TNFAIP2: variants seen among roughly 807,000 people sequenced by gnomAD.
TNFAIP2 encodes TNF alpha induced protein 2, also known as tumor necrosis factor alpha-induced protein 2.
A neutral mutation model predicts 63.5 loss-of-function variants in TNFAIP2; 47 were observed. The ratio of observed to expected loss-of-function variants is 0.74; its 90% CI spans 0.59 to 0.94. The LOEUF (loss-of-function observed/expected upper bound fraction) is 0.94. TNFAIP2 is among the 40% of genes least tolerant of loss of function. The pLI is 0.00. For synonymous variants in TNFAIP2, 405 were observed against 390.2 expected, an observed-to-expected ratio of 1.04 and a Z score of -0.45; for missense variants, 787 against 850.2, an observed-to-expected ratio of 0.93 and a Z score of 0.92.
intron 2 of TNFAIP2, 77 bp downstream of exon 2, chr14:103,126,769 GCA>G: frequency 7.0e-7 from 1 of 1,435,008 alleles, no homozygotes; most frequent in Non-Finnish European, 9.4e-7. Flanking sequence ...TGAGCCACTT[GCA>G]CAGTGGGCCG....
Position 103,127,186 on chromosome 14 carries a change from G to A in TNFAIP2, c.417G>A (p.Val139=). Residue 139 remains valine (V), a synonymous_variant, in exon 3 of 12, where the codon GTG becomes GTA. Transcript: ENST00000560869. This position sits in a 1 kb window ranked among gnomAD's most constrained non-coding sequence, Gnocchi z 5.1. ...YELLRDQVLG[V]LRRPLEAPPE... is the part of the protein sequence containing the mutation. ...TGCTGCGCGACCAGGTGCTGGGCGTGCTGCGGCGGCCGCTGGAGGCGCCGC... is the reference window on the plus strand; with the variant it reads ...TGCTGCGCGACCAGGTGCTGGGCGTACTGCGGCGGCCGCTGGAGGCGCCGC... 8.9e-7 allele frequency: 1 copy of A among 1,128,210 alleles called. No homozygotes were observed. The highest frequency in any genetic ancestry group is 1.1e-6 in the Non-Finnish European group (1 of 917,302). The allele number at this position is 1,128,210 out of a possible 1,614,324, so 69.9% of individuals were successfully genotyped here.
intron 10 of TNFAIP2, 78 bp from the exon 11 acceptor site, chr14:103,133,604 G>A (rs2088036139): frequency 1.3e-6 from 2 of 1,564,134 alleles, no homozygotes; most frequent in Admixed American, 3.6e-5. Context: ...TAGGCCGCTG[G>A]TGCCTCTCTA....
At chr14:103,134,288 G>A (rs2088050562) in intron 11 of TNFAIP2, among the ~76,000 whole-genome samples, 1 of 152,200 alleles carries the variant, frequency 6.6e-6, no homozygotes, top group Non-Finnish European at 1.5e-5. Context: ...GTTTGAATGG[G>A]TCTTGACAGG....
At chr14:103,124,675 C>G (rs906598372) in intron 1 of TNFAIP2, among the ~76,000 whole-genome samples, 2 of 152,208 alleles carry the variant, frequency 1.3e-5, no homozygotes, top group Non-Finnish European at 2.9e-5. Context: ...CCAGCTCCCG[C>G]GGGTGCTAGG....
At chr14:103,134,974 C>T (rs1055946456) in intron 11 of TNFAIP2, among the ~76,000 whole-genome samples, 22 of 152,170 alleles carry the variant, frequency 1.4e-4, no homozygotes, top group African/African-American at 4.3e-4. Context: ...TGGGAAGAGG[C>T]GGTCATCTCA....
rs961925053 is a variant in TNFAIP2, at chr14:103,135,499, G to A, written c.*139G>A. The A allele has an allele frequency of 5.7e-5, 85 of 1,496,606 alleles. No homozygotes were observed. The highest frequency in any genetic ancestry group is 7.1e-5 in the Non-Finnish European group (80 of 1,132,564). 92.7% of individuals were successfully genotyped at this position (1,496,606 alleles called of 1,614,324 possible). ...GATGCTACTTCTGCCTAGCCCTGGCGGAGGTGCAGGCCCTGTCAGCTGGAA... is the reference window on the plus strand; with the variant it reads ...GATGCTACTTCTGCCTAGCCCTGGCAGAGGTGCAGGCCCTGTCAGCTGGAA... On this transcript the variant is annotated 3_prime_UTR_variant, in exon 12 of 12. Transcript: ENST00000560869. This position sits in a 1 kb window ranked among gnomAD's most constrained non-coding sequence, Gnocchi z 7.6.
chr14:103,130,402 G>C lies in TNFAIP2; in HGVS notation c.1186G>C (p.Ala396Pro). The change falls in exon 6 of 12, where the codon GCG becomes CCG. Residue 396 changes from alanine (A) to proline (P), a missense_variant. By Grantham distance (27) the Ala-to-Pro change is conservative (BLOSUM62 -1). Coordinates refer to ENST00000560869, the MANE Select transcript of TNFAIP2 (RefSeq NM_006291.4). ...IKRVLLVELP[A>P]FLRSYQRAFN... is the part of the protein sequence containing the mutation. ...GCGGGTGCTGCTGGTGGAGCTGCCT[G>C]CGTTCCTGAGGAGGTGGGTGTGTGC... 1 of 1,563,286 alleles carries C rather than the reference G, an allele frequency of 6.4e-7. No homozygotes were observed.
At position 103,131,132 on chromosome 14, in the gene TNFAIP2, A is replaced by C. The variant is rs760728477; in HGVS notation, c.1280A>C (p.Asn427Thr). 6.2e-7 allele frequency: 1 copy of C among 1,614,196 alleles called. No homozygotes were observed. The highest frequency in any genetic ancestry group is 8.5e-7 in the Non-Finnish European group (1 of 1,180,020). The change falls in exon 7 of 12, where the codon AAC becomes ACC. Residue 427 changes from asparagine to threonine, a missense_variant. Asn to Thr is a moderately conservative substitution (Grantham distance 65, BLOSUM62 0). Coordinates refer to ENST00000560869, the MANE Select transcript of TNFAIP2 (RefSeq NM_006291.4). The surrounding 1 kb of genome is among the most constrained non-coding windows in gnomAD (Gnocchi z 4.0). The stretch of plus-strand genomic sequence containing the variant: ...AGGGCCAATGTTATTGCCAACATCA[A>C]CAACTGCCTGTCCTTCCGGTGAGAG... ...NYRANVIANI[N>T]NCLSFRMSME...
upstream of TNFAIP2, chr14:103,122,995 G>A: frequency 5.7e-6 from 2 of 350,726 alleles, no homozygotes; most frequent in Non-Finnish European, 1.1e-5. Flanking sequence ...GGAAGCCCCC[G>A]TCCCCTGCCT....
Position 103,135,108 on chromosome 14 carries a change from C to T in TNFAIP2, c.1824-111C>T, listed in dbSNP as rs959764303. On this transcript the variant is annotated intron_variant, in intron 11 of 11. Transcript: ENST00000560869. The surrounding 1 kb of genome is among the most constrained non-coding windows in gnomAD (Gnocchi z 7.6). ...GAGGGAGAGTGAAGTGCAGCCCCCTCGTGGGCCGGGCGTTGGCTGTCGGGC... is the reference window on the plus strand; with the variant it reads ...GAGGGAGAGTGAAGTGCAGCCCCCTTGTGGGCCGGGCGTTGGCTGTCGGGC... 49 of 1,374,292 alleles carry T rather than the reference C, an allele frequency of 3.6e-5. No homozygotes were observed. The highest frequency in any genetic ancestry group is 1.6e-4 in the South Asian group (13 of 83,240). 85.1% of individuals were successfully genotyped at this position (1,374,292 alleles called of 1,614,324 possible). A position where few individuals can be genotyped will look rare whatever the true frequency, so the allele number is the denominator to read the frequency against.
At chr14:103,132,633 C>T in intron 8 of TNFAIP2, 117 bp from the exon 9 acceptor site, 5 of 1,470,530 alleles carry the variant, frequency 3.4e-6, no homozygotes, top group South Asian at 2.4e-5. Context: ...GAGTGCCCCC[C>T]GCCCCTCCAC....
chr14:103,126,300 C>G lies in TNFAIP2; in HGVS notation c.-148-10C>G, dbSNP rs942372009. 1 of 605,498 alleles carries G rather than the reference C, an allele frequency of 1.7e-6. No individual in the cohort carries two copies. Among genetic ancestry groups the G allele is most frequent in the African/African-American group, 1.9e-5 (1 of 53,712 alleles). 37.5% of individuals were successfully genotyped at this position (605,498 alleles called of 1,614,324 possible). On this transcript the variant is annotated splice_polypyrimidine_tract_variant and intron_variant, in intron 1 of 11. Coordinates refer to ENST00000560869, the MANE Select transcript of TNFAIP2 (RefSeq NM_006291.4). ...TGGTGACCACTGATGCCTTCACCCC[C>G]ACCCCGCAGGAGCCTGCAGGCCTGA...
Position 103,135,845 on chromosome 14 carries a change from A to C in TNFAIP2, c.*485A>C. 3.1e-6 allele frequency: 4 copies of C among 1,291,430 alleles called. No homozygotes were observed. Among genetic ancestry groups the C allele is most frequent in the Non-Finnish European group, 3.0e-6 (3 of 990,246 alleles). 80.0% of individuals were successfully genotyped at this position (1,291,430 alleles called of 1,614,324 possible). Reference sequence around the variant, plus strand: ...CGTGAGCGGGATTCAGCAATGGTGGAATGGAAGACAGAACTGGAAGAGAAA... The same window carrying C: ...CGTGAGCGGGATTCAGCAATGGTGGCATGGAAGACAGAACTGGAAGAGAAA... On this transcript the variant is annotated 3_prime_UTR_variant, in exon 12 of 12. Transcript: ENST00000560869. The surrounding 1 kb of genome is among the most constrained non-coding windows in gnomAD (Gnocchi z 7.6).
chr14:103,125,447 A>G (rs1231865509), intron 1 of TNFAIP2, among the ~76,000 whole-genome samples: 1 of 152,216 alleles, frequency 6.6e-6, no homozygotes, highest in East Asian at 1.9e-4. Flanking sequence ...GCTATTGACT[A>G]TAGGGACAGT....
intron 6 of TNFAIP2, 70 bp downstream of exon 6, chr14:103,130,485 C>G: frequency 7.0e-7 from 1 of 1,424,352 alleles, no homozygotes; most frequent in South Asian, 1.2e-5. Flanking sequence ...CCTAGTGCCT[C>G]AGGTGGGGAG....
At chr14:103,122,981 T>G (rs1197968305), upstream of TNFAIP2, 1 of 355,598 alleles carries the variant, frequency 2.8e-6, no homozygotes, top group East Asian at 7.5e-5. Flanking sequence ...GGGGGCCTCC[T>G]TCAGGAAGCC....
chr14:103,127,487 CCCGCCGAGTT>C lies in TNFAIP2; in HGVS notation c.720_729del (p.Glu242SerfsTer84). 1 of 1,590,136 alleles carries C rather than the reference CCCGCCGAGTT, an allele frequency of 6.3e-7. No individual in the cohort carries two copies. Among genetic ancestry groups the C allele is most frequent in the South Asian group, 1.1e-5 (1 of 89,572 alleles). On this transcript the variant is annotated frameshift_variant, in exon 3 of 12. Coordinates refer to ENST00000560869, the MANE Select transcript of TNFAIP2 (RefSeq NM_006291.4). LOFTEE classifies it high-confidence loss of function. The surrounding 1 kb of genome is among the most constrained non-coding windows in gnomAD (Gnocchi z 5.1). Reference sequence around the variant, plus strand: ...GGTGGAGCGGCTGAAGCCGCTGTTCCCCGCCGAGTTCGGCGTCGTGGCGGCCTACGCCGAG... The same window carrying C: ...GGTGGAGCGGCTGAAGCCGCTGTTCCCGGCGTCGTGGCGGCCTACGCCGAG...
Position 103,133,817 on chromosome 14 carries a change from G to C in TNFAIP2, c.1823+14G>C. 1 of 1,577,814 alleles carries C rather than the reference G, an allele frequency of 6.3e-7. No homozygotes were observed. Among genetic ancestry groups the C allele is most frequent in the Non-Finnish European group, 8.5e-7 (1 of 1,172,656 alleles). On this transcript the variant is annotated intron_variant, in intron 11 of 11. Transcript: ENST00000560869. ...CCCTGACTTCAGGTGAGAACCTGGG[G>C]CACCTCAGGACCACTGTCACATCAC...
chr14:103,136,341 G>A lies in TNFAIP2; in HGVS notation c.*981G>A, dbSNP rs369637570. 26 of 180,176 alleles carry A rather than the reference G, an allele frequency of 1.4e-4. No homozygotes were observed. The highest frequency in any genetic ancestry group is 3.4e-4 in the Admixed American group (6 of 17,614). 11.2% of individuals were successfully genotyped at this position (180,176 alleles called of 1,614,324 possible). A position where few individuals can be genotyped will look rare whatever the true frequency, so the allele number is the denominator to read the frequency against. The stretch of plus-strand genomic sequence containing the variant: ...GACCCGGGGCTCAAATCTGGGTGTC[G>A]GCAGTCCTGCACTCCTTCTGGAGGC... On this transcript the variant is annotated 3_prime_UTR_variant, in exon 12 of 12. Coordinates refer to ENST00000560869, the MANE Select transcript of TNFAIP2 (RefSeq NM_006291.4).
Sources: gnomAD v4.1 joint callset for allele counts (sites outside exome capture counted in the v4.1 genomes callset) on GRCh38, gnomAD v4.1.1 for gene constraint, Gnocchi (gnomAD v3.1) non-coding constraint, MANE v1.5 for transcripts, NCBI Gene and HGNC (gene_info 2026-07-23, HGNC 2026-07-21) for gene names.